MACROD2: variants seen among roughly 807,000 people sequenced by gnomAD.
MACROD2 encodes ADP-ribose glycohydrolase MACROD2.
Under a neutral mutation model 70.4 loss-of-function variants are expected in MACROD2, and 36 were observed. The ratio of observed to expected loss-of-function variants is 0.51; its 90% confidence interval spans 0.39 to 0.68. The LOEUF (loss-of-function observed/expected upper bound fraction) is 0.68. MACROD2 is among the 30% of genes least tolerant of loss of function. The probability of loss-of-function intolerance (pLI) is 0.00; values close to 1 mark genes in which losing one functional copy is unlikely to be tolerated. For missense variants in MACROD2, 496 were observed against 538.4 expected (o/e 0.92, Z 0.78); for synonymous variants, 172 against 178.8 (o/e 0.96, Z 0.30).
chr20:14,045,109 A>G (rs1182833272), intron 2 of MACROD2, among the ~76,000 whole-genome samples: 2 of 152,228 alleles, frequency 1.3e-5, no homozygotes, highest in East Asian at 3.9e-4. Flanking sequence ...GCCCACCTGG[A>G]ACTTCGGCTG....
At chr20:15,019,166 C>T (rs923032543) in intron 5 of MACROD2, among the ~76,000 whole-genome samples, 3 of 151,374 alleles carry the variant, frequency 2.0e-5, no homozygotes, top group Admixed American at 6.6e-5. Context: ...CACACACACG[C>T]GCGCGCGCGC....
At chr20:14,334,881 A>AT (rs1368079219) in intron 3 of MACROD2, among the ~76,000 whole-genome samples, 1 of 152,068 alleles carries the variant, frequency 6.6e-6, no homozygotes, top group East Asian at 1.9e-4. Context: ...GGATTTTGCC[A>AT]TTAATCAATC....
intron 15 of MACROD2, among the ~76,000 whole-genome samples, chr20:15,991,973 T>C (rs1273712284): frequency 6.6e-6 from 1 of 152,212 alleles, no homozygotes; most frequent in Non-Finnish European, 1.5e-5. Flanking sequence ...CATGTCTCTA[T>C]GTATGCAATG....
chr20:14,229,966 AATT>A (rs1325112903), intron 3 of MACROD2, among the ~76,000 whole-genome samples: 2 of 152,226 alleles, frequency 1.3e-5, no homozygotes, highest in African/African-American at 2.4e-5. Context: ...ATGCAAATAA[AATT>A]ATGTTTATAC....
Position 15,658,240 on chromosome 20 carries a change from T to A in MACROD2, c.645+158393T>A, listed in dbSNP as rs1358318597. Among the ~76,000 whole-genome samples, 7 of 144,734 alleles carry A rather than the reference T, an allele frequency of 4.8e-5. No homozygotes were observed. In the South Asian group the frequency reaches 1.1e-3, roughly 22 times the overall value. 95.0% of individuals were successfully genotyped at this position (144,734 alleles called of 152,430 possible). A position where few individuals can be genotyped will look rare whatever the true frequency, so the allele number is the denominator to read the frequency against. ...CTCTCTCTCTCTTTTTTTTTTTTTT[T>A]AACTTGAATATCAAGCTCGCTATGC... is the stretch of plus-strand genomic sequence containing the variant. On this transcript the variant is annotated intron_variant, in intron 8 of 17. Coordinates refer to ENST00000684519, the MANE Select transcript of MACROD2 (RefSeq NM_001351661.2).
At chr20:15,385,515 G>A (rs2045701013) in intron 6 of MACROD2, among the ~76,000 whole-genome samples, 1 of 152,070 alleles carries the variant, frequency 6.6e-6, no homozygotes, top group South Asian at 2.1e-4. Context: ...ATACTTACCT[G>A]TTTATTTCCC....
At chr20:15,537,814 T>G (rs2047897393) in intron 8 of MACROD2, among the ~76,000 whole-genome samples, 1 of 152,300 alleles carries the variant, frequency 6.6e-6, no homozygotes, top group South Asian at 2.1e-4. Context: ...AATCTCATTC[T>G]GGAGAGCCTG....
intron 3 of MACROD2, among the ~76,000 whole-genome samples, chr20:14,308,071 T>C (rs990854309): frequency 6.6e-6 from 1 of 152,170 alleles, no homozygotes. Context: ...CTGAGTGCTA[T>C]ATACTGCTTA....
chr20:14,456,861 T>C (rs1038980334), intron 3 of MACROD2, among the ~76,000 whole-genome samples: 4 of 151,238 alleles, frequency 2.6e-5, no homozygotes, highest in Non-Finnish European at 5.9e-5. Context: ...GGACTACAGG[T>C]GCCCACCACC....
At chr20:14,259,749 G>A (rs775698935) in intron 3 of MACROD2, among the ~76,000 whole-genome samples, 2 of 152,176 alleles carry the variant, frequency 1.3e-5, no homozygotes, top group Non-Finnish European at 2.9e-5. Context: ...TAGAATTAAT[G>A]GAGTATACTA....
At chr20:15,253,913 T>C (rs1440190104) in intron 6 of MACROD2, among the ~76,000 whole-genome samples, 2 of 152,168 alleles carry the variant, frequency 1.3e-5, no homozygotes, top group Admixed American at 6.5e-5. Flanking sequence ...TTATTTTAGG[T>C]TCATGGATGT....
chr20:15,787,295 A>G (rs369480620), intron 8 of MACROD2, among the ~76,000 whole-genome samples: 1 of 152,274 alleles, frequency 6.6e-6, no homozygotes, highest in Non-Finnish European at 1.5e-5. Context: ...TTTTATGTAT[A>G]TACTTATTTA....
intron 5 of MACROD2, among the ~76,000 whole-genome samples, chr20:15,215,980 A>T (rs545395244): frequency 6.6e-6 from 1 of 152,270 alleles, no homozygotes; most frequent in South Asian, 2.1e-4. Context: ...TCGCCTATTA[A>T]GAGTTCTAGA....
intron 3 of MACROD2, among the ~76,000 whole-genome samples, chr20:14,359,707 C>G (rs989425572): frequency 6.6e-6 from 1 of 152,034 alleles, no homozygotes; most frequent in African/African-American, 2.4e-5. Context: ...CCCGTCTCTA[C>G]AAACATTAGC....
chr20:14,429,960 C>T (rs2083976984), intron 3 of MACROD2, among the ~76,000 whole-genome samples: 1 of 152,146 alleles, frequency 6.6e-6, no homozygotes, highest in South Asian at 2.1e-4. Context: ...TCTTTCTTTT[C>T]TCGCTTTCCA....
chr20:15,264,082 T>C (rs942647901), intron 6 of MACROD2, among the ~76,000 whole-genome samples: 3 of 152,174 alleles, frequency 2.0e-5, no homozygotes, highest in Non-Finnish European at 4.4e-5. Flanking sequence ...TGACAATCTT[T>C]GTGCTCATCC....
chr20:14,394,621 A>G (rs571750750), intron 3 of MACROD2, among the ~76,000 whole-genome samples: 3 of 152,132 alleles, frequency 2.0e-5, no homozygotes, highest in East Asian at 1.9e-4. Context: ...AGAGCTCCCC[A>G]TACAATGCTG....
At chr20:15,564,063 G>A (rs924315740) in intron 8 of MACROD2, among the ~76,000 whole-genome samples, 5 of 152,124 alleles carry the variant, frequency 3.3e-5, no homozygotes, top group South Asian at 2.1e-4. Flanking sequence ...TTCTCATGTC[G>A]CCAGTTTAAT....
intron 3 of MACROD2, among the ~76,000 whole-genome samples, chr20:14,467,554 G>A (rs1031855921): frequency 6.6e-6 from 1 of 152,072 alleles, no homozygotes; most frequent in African/African-American, 2.4e-5. Flanking sequence ...TGCACCCACT[G>A]TCTGGCACTC....
Sources: allele counts gnomAD v4.1 joint callset (sites outside exome capture counted in the v4.1 genomes callset), GRCh38; gene constraint gnomAD v4.1.1; transcripts MANE v1.5; gene names NCBI Gene and HGNC (gene_info 2026-07-23, HGNC 2026-07-21).